The following RUNX1 variants were observed in gnomAD, a reference collection of about 807,000 sequenced individuals.
The protein encoded by RUNX1 is runt-related transcription factor 1.
RUNX1 carries 19 observed loss-of-function variants against 42.8 expected under a neutral mutation model. That is an observed-to-expected ratio of 0.44 (90% CI 0.31 to 0.65). The LOEUF (loss-of-function observed/expected upper bound fraction) is 0.65. Among genes scored for constraint, RUNX1 ranks in the 30% least tolerant of loss-of-function variants. RUNX1 has a pLI of 0.07. For missense variants in RUNX1, 528 were observed against 672.0 expected (o/e 0.79, Z 2.37); for synonymous variants, 271 against 289.4 (o/e 0.94, Z 0.64).
intron 7 of RUNX1, among the ~76,000 whole-genome samples, chr21:34,802,454 C>A (rs2056620578): frequency 6.6e-6 from 1 of 152,232 alleles, no homozygotes; most frequent in African/African-American, 2.4e-5. Flanking sequence ...TGGCATTAAT[C>A]ATCATACTGG....
At chr21:34,975,213 C>A (rs2058792373) in intron 2 of RUNX1, among the ~76,000 whole-genome samples, 1 of 152,224 alleles carries the variant, frequency 6.6e-6, no homozygotes, top group Non-Finnish European at 1.5e-5. Context: ...TCAATACCTA[C>A]AAATCAGACC....
At chr21:35,022,871 G>A (rs1417063604) in intron 2 of RUNX1, among the ~76,000 whole-genome samples, 42 of 119,082 alleles carry the variant, frequency 3.5e-4, no homozygotes, top group Non-Finnish European at 7.8e-5. Context: ...CTCCAGTCTG[G>A]GCAACATGAA....
intron 2 of RUNX1, among the ~76,000 whole-genome samples, chr21:34,914,529 C>T (rs555500088): frequency 8.5e-5 from 13 of 152,274 alleles, no homozygotes; most frequent in African/African-American, 2.9e-4. Flanking sequence ...AGCATTTCTT[C>T]CCCACTTCTG....
chr21:34,890,200 C>T (rs1295909589), intron 3 of RUNX1, among the ~76,000 whole-genome samples: 1 of 151,924 alleles, frequency 6.6e-6, no homozygotes, highest in East Asian at 2.0e-4. Context: ...CGGGCTCTGG[C>T]GGACGCCAGG....
At chr21:34,965,782 G>A (rs2058714472) in intron 2 of RUNX1, among the ~76,000 whole-genome samples, 1 of 152,106 alleles carries the variant, frequency 6.6e-6, no homozygotes, top group African/African-American at 2.4e-5. Flanking sequence ...TGAAATCTAG[G>A]GCATTTCCGA....
chr21:34,868,174 G>A (rs2057689997), intron 5 of RUNX1, among the ~76,000 whole-genome samples: 1 of 152,178 alleles, frequency 6.6e-6, no homozygotes, highest in Admixed American at 6.5e-5. Context: ...GCAAGCTTGA[G>A]GAGGGAGCTG....
At chr21:34,970,784 T>G (rs1377684347) in intron 2 of RUNX1, among the ~76,000 whole-genome samples, 1 of 152,212 alleles carries the variant, frequency 6.6e-6, no homozygotes, top group Non-Finnish European at 1.5e-5. Flanking sequence ...CATGGCCTTA[T>G]GTAGCAAGAG....
In RUNX1 at chr21:34,792,678, T is replaced by G; in HGVS notation, c.968-68A>C. The G allele has an allele frequency of 2.1e-6, 3 of 1,427,244 alleles. No homozygotes were observed. The highest frequency in any genetic ancestry group is 1.9e-6 in the Non-Finnish European group (2 of 1,057,216). 88.4% of individuals were successfully genotyped at this position (1,427,244 alleles called of 1,614,324 possible). A position where few individuals can be genotyped will look rare whatever the true frequency, so the allele number is the denominator to read the frequency against. ...TTGCGGAGGCCACAGCTCTTCCCTC[T>G]GCCCCAGGGGGCTACCCAGGATGAT... On this transcript the variant is annotated intron_variant, in intron 8 of 8. Transcript: ENST00000675419. This position sits in a 1 kb window ranked among gnomAD's most constrained non-coding sequence, Gnocchi z 6.9.
intron 7 of RUNX1, among the ~76,000 whole-genome samples, chr21:34,828,607 C>A (rs1024989017): frequency 5.9e-5 from 9 of 152,166 alleles, no homozygotes; most frequent in African/African-American, 2.2e-4. Context: ...CTCAAAAGTT[C>A]ATATGTTGGA....
Position 34,961,808 on chromosome 21 carries a change from T to G in RUNX1, c.59-68845A>C, listed in dbSNP as rs150634516. 9.8e-5 allele frequency among the ~76,000 whole-genome samples: 15 copies of G among 152,326 alleles called. No individual in the cohort carries two copies. The East Asian group carries it at 2.9e-3, about 29-fold the overall frequency. ...TGAAGGATTGATTCCTATTTTTCAG[T>G]AAATTATGTCTCTGAATTAGTGTGC... On this transcript the variant is annotated intron_variant, in intron 2 of 8. Transcript: ENST00000675419.
chr21:34,993,175 C>A (rs1162357674), intron 2 of RUNX1, among the ~76,000 whole-genome samples: 1 of 152,202 alleles, frequency 6.6e-6, no homozygotes, highest in African/African-American at 2.4e-5. Context: ...ATTTCAGAAG[C>A]TTTTTAAACT....
intron 7 of RUNX1, chr21:34,829,805 A>G (rs754643084): frequency 1.3e-5 from 2 of 152,234 alleles, no homozygotes; most frequent in Non-Finnish European, 2.9e-5. Flanking sequence ...AGAGGGAAGG[A>G]GAGGGAGAGA....
intron 6 of RUNX1, among the ~76,000 whole-genome samples, chr21:34,839,929 C>G (rs921181056): frequency 6.6e-6 from 1 of 152,212 alleles, no homozygotes; most frequent in African/African-American, 2.4e-5. Context: ...TGTTCATGAG[C>G]AATGACTGAC....
chr21:34,811,990 A>C (rs995131714), intron 7 of RUNX1, among the ~76,000 whole-genome samples: 1 of 151,244 alleles, frequency 6.6e-6, no homozygotes, highest in African/African-American at 2.4e-5. Context: ...GCCCCCAAGA[A>C]ACCTCCATGC....
rs1329847140 is a variant in RUNX1 at position 34,886,963 on chromosome 21, G to A, written c.231C>T (p.Ser77=). The A allele has an allele frequency of 4.3e-6, 7 of 1,611,312 alleles. No homozygotes were observed. Among genetic ancestry groups the A allele is most frequent in the African/African-American group, 2.7e-5 (2 of 74,908 alleles). The change falls in exon 4 of 9, where the codon AGC becomes AGT. Residue 77 remains serine, a synonymous_variant. Coordinates refer to ENST00000675419, the MANE Select transcript of RUNX1 (RefSeq NM_001754.5). ...GGTGGTCGGCCAGCACCTCCACCATGCTGCGGTCGCCGCTCCTCAGCTTGC... is the reference window on the plus strand; with the variant it reads ...GGTGGTCGGCCAGCACCTCCACCATACTGCGGTCGCCGCTCCTCAGCTTGC... The part of the protein sequence containing the change: ...LAGKLRSGDR[S]MVEVLADHPG...
At chr21:34,867,887 G>A (rs2057684960) in intron 5 of RUNX1, among the ~76,000 whole-genome samples, 1 of 152,156 alleles carries the variant, frequency 6.6e-6, no homozygotes, top group South Asian at 2.1e-4. Context: ...ATCAGGCTGT[G>A]TGTTTGGGCT....
chr21:34,912,774 T>A (rs1170888262), intron 2 of RUNX1, among the ~76,000 whole-genome samples: 1 of 152,210 alleles, frequency 6.6e-6, no homozygotes, highest in East Asian at 1.9e-4. Flanking sequence ...ACAGGACATG[T>A]GTGATGACAG....
chr21:34,853,815 A>T (rs368226251), intron 6 of RUNX1, among the ~76,000 whole-genome samples: 41 of 139,152 alleles, frequency 2.9e-4, no homozygotes, highest in East Asian at 4.1e-4. Flanking sequence ...TCCTTCCTTC[A>T]TTTTTTTTTT....
chr21:34,922,718 T>C (rs1265866435), intron 2 of RUNX1, among the ~76,000 whole-genome samples: 1 of 152,184 alleles, frequency 6.6e-6, no homozygotes, highest in African/African-American at 2.4e-5. Context: ...CCCTGTTCCC[T>C]CATCTCTTCC....
Sources: gnomAD v4.1 joint callset for allele counts (sites outside exome capture counted in the v4.1 genomes callset) on GRCh38, gnomAD v4.1.1 for gene constraint, Gnocchi (gnomAD v3.1) non-coding constraint, MANE v1.5 for transcripts, NCBI Gene and HGNC (gene_info 2026-07-23, HGNC 2026-07-21) for gene names.